Variants in CLASP1 observed in about 807,000 individuals in gnomAD.
The protein encoded by CLASP1 is cytoplasmic linker associated protein 1.
CLASP1 carries 38 observed loss-of-function variants against 192.3 expected under a neutral mutation model. The observed-to-expected ratio is 0.20, with a 90% CI of 0.15 to 0.26. CLASP1 has a LOEUF of 0.26. CLASP1 is among the 10% of genes least tolerant of loss of function. The pLI, the probability that CLASP1 is intolerant of heterozygous loss-of-function variation, is 1.00. For synonymous variants in CLASP1, 691 were observed against 712.8 expected (o/e 0.97, Z 0.49); for missense variants, 1,433 against 1,932.5 (o/e 0.74, Z 4.85).
intron 23 of CLASP1, among the ~76,000 whole-genome samples, chr2:121,411,369 G>A (rs2077680318): frequency 6.6e-6 from 1 of 152,208 alleles, no homozygotes; most frequent in Admixed American, 6.5e-5. Context: ...CTAATGCAAT[G>A]TGTGGTAAAA....
chr2:121,403,052 G>A (rs891646118), intron 26 of CLASP1, among the ~76,000 whole-genome samples: 8 of 152,122 alleles, frequency 5.3e-5, no homozygotes, highest in African/African-American at 1.4e-4. Context: ...GGCTGGTCTC[G>A]AACTCTTGAC....
At chr2:121,458,808 C>T (rs751281251) in intron 13 of CLASP1, 32 bp downstream of exon 13, 38 of 1,498,360 alleles carry the variant, frequency 2.5e-5, no homozygotes, top group Non-Finnish European at 3.3e-5. Flanking sequence ...TTACCACTTG[C>T]TTATTTCAAG....
chr2:121,531,048 G>A (rs576926391), intron 2 of CLASP1: 73 of 698,116 alleles, frequency 1.0e-4, no homozygotes, highest in African/African-American at 2.3e-4. Flanking sequence ...TCAAACAGCA[G>A]TAATTCGTAA....
At chr2:121,621,476 A>G (rs972698355) in intron 1 of CLASP1, among the ~76,000 whole-genome samples, 3 of 152,122 alleles carry the variant, frequency 2.0e-5, no homozygotes, top group African/African-American at 7.2e-5. Flanking sequence ...TCTATGATGA[A>G]TTCTGAATTT....
chr2:121,453,874 T>G (rs1035698825), intron 14 of CLASP1, among the ~76,000 whole-genome samples: 2 of 152,212 alleles, frequency 1.3e-5, no homozygotes, highest in African/African-American at 4.8e-5. Flanking sequence ...GTGCACTGCC[T>G]TGCTTACACT....
At chr2:121,599,964 G>C (rs1463459777) in intron 2 of CLASP1, among the ~76,000 whole-genome samples, 1 of 149,808 alleles carries the variant, frequency 6.7e-6, no homozygotes, top group East Asian at 1.9e-4. Flanking sequence ...TCAAAGTTTT[G>C]TTTAATATAA....
At chr2:121,376,526 T>TGGGGGGGGGGAGGGGGGGGAAGGGGG (rs61313144) in intron 34 of CLASP1, among the ~76,000 whole-genome samples, 1 of 105,134 alleles carries the variant, frequency 9.5e-6, no homozygotes, top group Non-Finnish European at 1.9e-5. Context: ...TGGGAAGGGG[T>TGGGGGGGGGGAGGGGGGGGAAGGGGG]GGGGGGGGGG....
intron 1 of CLASP1, among the ~76,000 whole-genome samples, chr2:121,622,088 C>T (rs1030791191): frequency 6.6e-6 from 1 of 151,804 alleles, no homozygotes; most frequent in African/African-American, 2.4e-5. Flanking sequence ...TGACCTCACA[C>T]CTGCCTCAGC....
chr2:121,436,707 G>A (rs889103006), intron 19 of CLASP1, among the ~76,000 whole-genome samples: 11 of 152,058 alleles, frequency 7.2e-5, no homozygotes, highest in South Asian at 2.1e-4. Context: ...CACTGTGCCC[G>A]GCTTTAGTGT....
intron 8 of CLASP1, among the ~76,000 whole-genome samples, chr2:121,478,751 CCA>C (rs2092064549): frequency 6.9e-5 from 5 of 72,912 alleles, no homozygotes; most frequent in African/African-American, 1.3e-4. Flanking sequence ...CCCACACACA[CCA>C]CACACACACC....
chr2:121,555,611 C>T (rs2058474665), intron 2 of CLASP1, among the ~76,000 whole-genome samples: 1 of 152,186 alleles, frequency 6.6e-6, no homozygotes. Flanking sequence ...GCCATCAAGA[C>T]ATTATCACTC....
At chr2:121,380,338 G>T (rs2071337981) in intron 33 of CLASP1, among the ~76,000 whole-genome samples, 1 of 152,090 alleles carries the variant, frequency 6.6e-6, no homozygotes, top group South Asian at 2.1e-4. Flanking sequence ...TTTCAGCCCT[G>T]AGACAACCCC....
At chr2:121,528,969 C>G (rs2094662067) in intron 3 of CLASP1, among the ~76,000 whole-genome samples, 189 bp from the exon 4 acceptor site, 1 of 152,208 alleles carries the variant, frequency 6.6e-6, no homozygotes, top group South Asian at 2.1e-4. Flanking sequence ...CCAAAAGAGT[C>G]TGCAAAATCC....
chr2:121,478,674 C>CCA (rs1156944499), intron 8 of CLASP1, among the ~76,000 whole-genome samples: 1 of 86,158 alleles, frequency 1.2e-5, no homozygotes, highest in Admixed American at 1.2e-4. Flanking sequence ...CCCACACACA[C>CCA]CACACACACA....
chr2:121,490,783 T>C (rs1253435565), intron 8 of CLASP1, among the ~76,000 whole-genome samples: 1 of 152,202 alleles, frequency 6.6e-6, no homozygotes, highest in African/African-American at 2.4e-5. Flanking sequence ...ACAAACACAT[T>C]ATCCTTGTAT....
At chr2:121,610,626 G>GGAA (rs2065194506) in intron 1 of CLASP1, among the ~76,000 whole-genome samples, 1 of 148,016 alleles carries the variant, frequency 6.8e-6, no homozygotes, top group African/African-American at 2.5e-5. Flanking sequence ...AGGAACTGGA[G>GGAA]GAGGAGGAGG....
At chr2:121,512,003 C>A (rs2094150880) in intron 7 of CLASP1, among the ~76,000 whole-genome samples, 1 of 152,028 alleles carries the variant, frequency 6.6e-6, no homozygotes, top group African/African-American at 2.4e-5. Context: ...GTAATAAAAC[C>A]TGATGAATGT....
exon 40 of CLASP1, chr2:121,338,429 G>C (rs1256204476): frequency 6.6e-6 from 1 of 152,380 alleles, no homozygotes; most frequent in Non-Finnish European, 1.5e-5. Flanking sequence ...GGGGTCTTGG[G>C]CCCTGGCCAG....
intron 9 of CLASP1, among the ~76,000 whole-genome samples, chr2:121,463,661 A>C (rs1205940405): frequency 6.6e-6 from 1 of 152,132 alleles, no homozygotes; most frequent in Non-Finnish European, 1.5e-5. Context: ...AAGCTATCTG[A>C]TGAGGAGGAG....
Sources: gnomAD v4.1 joint callset for allele counts (sites outside exome capture counted in the v4.1 genomes callset) on GRCh38, gnomAD v4.1.1 for gene constraint, MANE v1.5 for transcripts, NCBI Gene and HGNC (gene_info 2026-07-23, HGNC 2026-07-21) for gene names.